VEZT: variants seen among roughly 807,000 people sequenced by gnomAD.
The protein encoded by VEZT is vezatin.
A neutral mutation model predicts 79.9 loss-of-function variants in VEZT; 39 were observed. That is an observed-to-expected ratio of 0.49 (90% CI 0.38 to 0.64). The LOEUF (loss-of-function observed/expected upper bound fraction) is 0.64, where lower values mean the gene tolerates loss of function less well. Among genes scored for constraint, VEZT ranks in the 30% least tolerant of loss-of-function variants. VEZT has a pLI of 0.00. For synonymous variants in VEZT, 325 were observed against 327.6 expected (o/e 0.99, Z 0.09); for missense variants, 837 against 893.1 (o/e 0.94, Z 0.80).
intron 5 of VEZT, 43 bp from the exon 6 acceptor site, chr12:95,270,008 T>A: frequency 3.1e-6 from 5 of 1,588,826 alleles, no homozygotes; most frequent in Non-Finnish European, 4.3e-6. Context: ...TTAGGACACC[T>A]GTACAGTTGT....
Position 95,266,508 on chromosome 12 carries a change from A to G in VEZT, c.586A>G (p.Thr196Ala). ...RLWRTAKLQV[T>A]LKKYSVHLED... ...ATGGAGGACAGCCAAACTACAAGTG[A>G]CCCTAAAAAAATACAGCGTTCATTT... Residue 196 changes from threonine (T) to alanine (A), a missense_variant, in exon 5 of 12, where the codon ACC (threonine) becomes GCC (alanine). Thr to Ala is a moderately conservative substitution (Grantham distance 58). Transcript: ENST00000436874. 3 of 1,613,926 alleles carry G rather than the reference A, an allele frequency of 1.9e-6. No individual in the cohort carries two copies. The highest frequency in any genetic ancestry group is 2.5e-6 in the Non-Finnish European group (3 of 1,179,876).
At chr12:95,241,095 G>A (rs145325641) in intron 1 of VEZT, among the ~76,000 whole-genome samples, 2,608 of 152,190 alleles carry the variant, frequency 0.017, 28 homozygotes, top group Non-Finnish European at 0.026. Flanking sequence ...GAGTGCAGTG[G>A]CGCTATCTCA....
intron 1 of VEZT, among the ~76,000 whole-genome samples, chr12:95,244,187 G>T (rs1479234946): frequency 6.6e-6 from 1 of 151,916 alleles, no homozygotes; most frequent in East Asian, 1.9e-4. Context: ...GAGCCCAGGG[G>T]TTGGAGACCA....
At chr12:95,263,191 G>A in intron 4 of VEZT, 110 bp downstream of exon 4, 2 of 1,020,852 alleles carry the variant, frequency 2.0e-6, no homozygotes, top group Middle Eastern at 2.3e-4. Context: ...CATACATTTA[G>A]CAGTACAATT....
At chr12:95,288,244 A>G (rs2071503365) in intron 9 of VEZT, among the ~76,000 whole-genome samples, 1 of 152,166 alleles carries the variant, frequency 6.6e-6, no homozygotes, top group Admixed American at 6.5e-5. Context: ...TAAAATACTT[A>G]ACTTTAGTCA....
chr12:95,220,009 AG>A (rs1203526804), intron 1 of VEZT, among the ~76,000 whole-genome samples: 2 of 152,238 alleles, frequency 1.3e-5, no homozygotes, highest in Non-Finnish European at 2.9e-5. Flanking sequence ...TCATACTTGC[AG>A]AAAAATTTCC....
intron 1 of VEZT, among the ~76,000 whole-genome samples, chr12:95,223,147 A>T (rs2057880015): frequency 6.6e-6 from 1 of 152,170 alleles, no homozygotes; most frequent in Non-Finnish European, 1.5e-5. Context: ...TCTAAGCTTC[A>T]GTTTTCTCCA....
intron 1 of VEZT, among the ~76,000 whole-genome samples, chr12:95,235,363 C>G (rs2059924285): frequency 7.6e-6 from 1 of 131,514 alleles, no homozygotes; most frequent in Non-Finnish European, 1.6e-5. Flanking sequence ...TAGGGGCGGC[C>G]GGGCAGAGGC....
chr12:95,269,055 C>A (rs576237662), intron 5 of VEZT, among the ~76,000 whole-genome samples: 53 of 152,106 alleles, frequency 3.5e-4, no homozygotes, highest in African/African-American at 1.2e-3. Context: ...ATTTTTAATA[C>A]CTGAATACAT....
intron 4 of VEZT, among the ~76,000 whole-genome samples, chr12:95,264,213 A>C (rs1031522961): frequency 1.9e-4 from 29 of 149,318 alleles, no homozygotes; most frequent in African/African-American, 7.0e-4. Flanking sequence ...TTATCCTTCA[A>C]AAATACAAGA....
Position 95,226,548 on chromosome 12 carries a change from T to C in VEZT, c.36+8662T>C, listed in dbSNP as rs916230450. On this transcript the variant is annotated intron_variant, in intron 1 of 11. Transcript: ENST00000436874. ...AAATCATGCAGAGTTTTGGATAATA[T>C]TCCAACAACATCCCTTCCCTTAAAA... is the stretch of plus-strand genomic sequence containing the variant. 2.0e-5 allele frequency among the ~76,000 whole-genome samples: 3 copies of C among 152,206 alleles called. No homozygotes were observed. The South Asian group carries it at 6.2e-4, about 32-fold the overall frequency.
Position 95,282,513 on chromosome 12 carries a change from T to C in VEZT, c.1197T>C (p.Tyr399=). The stretch of plus-strand genomic sequence containing the variant: ...AGCTTAAGCGCAGCTATGAGTTCTA[T>C]CGGTACTTTGAAACTCAGCACCAGT... ...LEELKRSYEF[Y]RYFETQHQSV... Residue 399 remains tyrosine, a synonymous_variant, in exon 8 of 12, where the codon TAT becomes TAC. Coordinates refer to ENST00000436874, the MANE Select transcript of VEZT (RefSeq NM_017599.4). 1.2e-6 allele frequency: 2 copies of C among 1,614,034 alleles called. No individual in the cohort carries two copies. Among genetic ancestry groups the C allele is most frequent in the Non-Finnish European group, 1.7e-6 (2 of 1,179,890 alleles).
At chr12:95,289,417 C>CAAAAAAAAAAAAAAAAAAAAAAAAAAAA (rs146728004) in intron 9 of VEZT, among the ~76,000 whole-genome samples, 1 of 69,466 alleles carries the variant, frequency 1.4e-5, no homozygotes, top group Non-Finnish European at 2.6e-5. Flanking sequence ...ACTCTTGTCT[C>CAAAAAAAAAAAAAAAAAAAAAAAAAAAA]AAAAAAAAAA....
At chr12:95,282,713 T>C in intron 8 of VEZT, 69 bp downstream of exon 8, 1 of 1,342,604 alleles carries the variant, frequency 7.4e-7, no homozygotes, top group Non-Finnish European at 1.0e-6. Flanking sequence ...CCATTGTGGT[T>C]GTTGGCTTGT....
chr12:95,279,299 A>G (rs981591246), intron 7 of VEZT, among the ~76,000 whole-genome samples: 1 of 152,162 alleles, frequency 6.6e-6, no homozygotes, highest in African/African-American at 2.4e-5. Context: ...TTGGGATTTC[A>G]TTTCAAAGTT....
At chr12:95,263,178 T>TG in intron 4 of VEZT, 97 bp downstream of exon 4, 1 of 1,097,328 alleles carries the variant, frequency 9.1e-7, no homozygotes, top group Non-Finnish European at 1.2e-6. Context: ...GGCATAAACA[T>TG]TCCATACATT....
chr12:95,240,164 T>G (rs2060830213), intron 1 of VEZT, among the ~76,000 whole-genome samples: 1 of 152,170 alleles, frequency 6.6e-6, no homozygotes, highest in South Asian at 2.1e-4. Context: ...CCAGTAGATG[T>G]GCTGGATTGT....
intron 3 of VEZT, among the ~76,000 whole-genome samples, chr12:95,259,011 C>G (rs1312443526): frequency 1.3e-5 from 2 of 152,178 alleles, no homozygotes; most frequent in South Asian, 4.1e-4. Flanking sequence ...CTTTATCAAT[C>G]AAATCAAGTC....
intron 1 of VEZT, among the ~76,000 whole-genome samples, chr12:95,235,519 G>T (rs1355879209): frequency 5.0e-5 from 7 of 140,328 alleles, no homozygotes; most frequent in African/African-American, 1.6e-4. Flanking sequence ...CCTCCCGGAC[G>T]GGGCAGCTGG....
Sources: gnomAD v4.1 joint callset for allele counts (sites outside exome capture counted in the v4.1 genomes callset) on GRCh38, gnomAD v4.1.1 for gene constraint, MANE v1.5 for transcripts, NCBI Gene and HGNC (gene_info 2026-07-23, HGNC 2026-07-21) for gene names.